SYT14: variants seen among roughly 807,000 people sequenced by gnomAD.
SYT14 encodes synaptotagmin-14.
Under a neutral mutation model 74.2 loss-of-function variants are expected in SYT14, and 32 were observed. That is an observed-to-expected ratio of 0.43 (90% CI 0.33 to 0.58). SYT14 has a LOEUF of 0.58. SYT14 is among the 20% of genes least tolerant of loss of function. The probability of loss-of-function intolerance (pLI) is 0.05; values close to 1 mark genes in which losing one functional copy is unlikely to be tolerated. For missense variants in SYT14, 791 were observed against 981.8 expected (o/e 0.81, Z 2.60); for synonymous variants, 298 against 337.7 (o/e 0.88, Z 1.29).
intron 2 of SYT14, among the ~76,000 whole-genome samples, chr1:209,990,626 G>C (rs2079666156): frequency 8.3e-6 from 1 of 120,832 alleles, no homozygotes; most frequent in East Asian, 2.2e-4. Context: ...CTTATCATAT[G>C]ATAATACTTG....
At chr1:209,970,315 G>A (rs1189104236) in intron 2 of SYT14, among the ~76,000 whole-genome samples, 1 of 152,022 alleles carries the variant, frequency 6.6e-6, no homozygotes, top group Non-Finnish European at 1.5e-5. Context: ...TTATGAATAG[G>A]GTGTCCTTTC....
intron 2 of SYT14, among the ~76,000 whole-genome samples, chr1:209,968,784 G>T (rs1052381754): frequency 6.6e-6 from 1 of 151,220 alleles, no homozygotes; most frequent in Admixed American, 6.6e-5. Flanking sequence ...ACATGTGCAG[G>T]TTTGTTAAAT....
chr1:209,961,296 G>A lies in SYT14; in HGVS notation c.-486+8540G>A, dbSNP rs371077267. ...CTATATTCTGACTTTTTGGGGGCTGGGATAGGTACAGATTTCTTGCTTAGT... is the reference window on the plus strand; with the variant it reads ...CTATATTCTGACTTTTTGGGGGCTGAGATAGGTACAGATTTCTTGCTTAGT... On this transcript the variant is annotated intron_variant, in intron 2 of 9. Coordinates refer to ENST00000637265, the Ensembl canonical transcript of SYT14. Among the ~76,000 whole-genome samples, 12 of 152,098 alleles carry A rather than the reference G, an allele frequency of 7.9e-5. No homozygotes were observed. The South Asian group carries it at 1.5e-3, about 18-fold the overall frequency.
chr1:210,076,151 A>G (rs965833885), intron 5 of SYT14, among the ~76,000 whole-genome samples: 34 of 152,158 alleles, frequency 2.2e-4, no homozygotes, highest in African/African-American at 7.7e-4. Flanking sequence ...GACAAGTAGG[A>G]GAGTTTTATT....
intron 5 of SYT14, among the ~76,000 whole-genome samples, chr1:210,032,389 T>C (rs2080558723): frequency 6.6e-6 from 1 of 152,040 alleles, no homozygotes; most frequent in Non-Finnish European, 1.5e-5. Context: ...AAGCACTTCA[T>C]CAGGTTTGTC....
At chr1:210,084,064 C>T (rs1387829769) in intron 5 of SYT14, among the ~76,000 whole-genome samples, 1 of 152,116 alleles carries the variant, frequency 6.6e-6, no homozygotes, top group Non-Finnish European at 1.5e-5. Flanking sequence ...CAGGGCTTCC[C>T]AATGATATTT....
chr1:210,159,923 T>C (rs1249206977), intron 9 of SYT14, among the ~76,000 whole-genome samples: 1 of 152,176 alleles, frequency 6.6e-6, no homozygotes, highest in Non-Finnish European at 1.5e-5. Context: ...TATGTTTCAC[T>C]TCGTACACTA....
chr1:210,125,086 A>T (rs1378259449), intron 7 of SYT14, among the ~76,000 whole-genome samples: 1 of 151,478 alleles, frequency 6.6e-6, no homozygotes, highest in Non-Finnish European at 1.5e-5. Flanking sequence ...TTTTAGATTC[A>T]GGGGGTAGGT....
At chr1:210,141,316 A>G (rs1226558143) in intron 7 of SYT14, among the ~76,000 whole-genome samples, 2 of 152,052 alleles carry the variant, frequency 1.3e-5, no homozygotes, top group Non-Finnish European at 2.9e-5. Flanking sequence ...TTGTTTTCTT[A>G]ATTTTTTGTT....
chr1:209,959,069 G>A (rs1402873153), intron 2 of SYT14, among the ~76,000 whole-genome samples: 2 of 152,060 alleles, frequency 1.3e-5, no homozygotes, highest in Non-Finnish European at 2.9e-5. Context: ...CTATACCCAA[G>A]AAAATTGAAA....
chr1:210,077,658 T>G (rs1287697373), intron 5 of SYT14, among the ~76,000 whole-genome samples: 1 of 152,226 alleles, frequency 6.6e-6, no homozygotes, highest in Non-Finnish European at 1.5e-5. Flanking sequence ...TTTTACAATT[T>G]TGATAACTGT....
At chr1:210,123,278 AAG>A (rs2102616911) in intron 7 of SYT14, among the ~76,000 whole-genome samples, 1 of 152,306 alleles carries the variant, frequency 6.6e-6, no homozygotes, top group Non-Finnish European at 1.5e-5. Flanking sequence ...AATAGCTGGA[AAG>A]AGGGCATCAG....
chr1:210,014,270 T>C (rs2080141469), intron 3 of SYT14, among the ~76,000 whole-genome samples: 1 of 152,084 alleles, frequency 6.6e-6, no homozygotes, highest in African/African-American at 2.4e-5. Flanking sequence ...TTTTACTTAG[T>C]AACTTAATTT....
chr1:210,013,523 A>G, intron 2 of SYT14, 110 bp from the exon 3 acceptor site: 3 of 1,106,802 alleles, frequency 2.7e-6, no homozygotes, highest in Non-Finnish European at 3.9e-6. Context: ...TGACAATTAA[A>G]AAATATAATT....
rs113520368 is a variant in SYT14, at chr1:210,143,464, A to T, written c.2035-12257A>T. ...ATTTGTTAAATATTACACAGTTGGG[A>T]GTATATTATATTCATTTGCTCCCGT... On this transcript the variant is annotated intron_variant, in intron 7 of 9. Transcript: ENST00000637265. Among the ~76,000 whole-genome samples, 1,202 of 152,252 alleles carry T rather than the reference A, an allele frequency of 7.9e-3. 14 individuals are homozygous for T. Among genetic ancestry groups the T allele is most frequent in the African/African-American group, 0.027 (1,137 of 41,550 alleles).
At chr1:210,119,819 A>G (rs1385455249) in intron 7 of SYT14, among the ~76,000 whole-genome samples, 2 of 152,192 alleles carry the variant, frequency 1.3e-5, no homozygotes, top group African/African-American at 4.8e-5. Flanking sequence ...CATAGTACAC[A>G]TGTTAGAATT....
chr1:210,016,312 T>C, exon 4 of SYT14: 1 of 1,232,112 alleles, frequency 8.1e-7, no homozygotes, highest in Non-Finnish European at 1.0e-6. Context: ...TAAATACTTG[T>C]AAAACTTCAC....
intron 5 of SYT14, among the ~76,000 whole-genome samples, chr1:210,070,744 C>T (rs1262509825): frequency 1.3e-5 from 2 of 152,026 alleles, no homozygotes; most frequent in Admixed American, 1.3e-4. Context: ...AGAAGAGGCA[C>T]ACTGAAATCA....
chr1:209,950,429 A>G (rs10863800), intron 1 of SYT14, among the ~76,000 whole-genome samples: 7,606 of 152,240 alleles, frequency 0.05, 1,030 homozygotes, highest in East Asian at 0.41. Flanking sequence ...TGTAGTATGT[A>G]GGTGTATTTC....
Sources: allele counts gnomAD v4.1 joint callset (sites outside exome capture counted in the v4.1 genomes callset), GRCh38; gene constraint gnomAD v4.1.1; transcripts MANE v1.5; gene names NCBI Gene and HGNC (gene_info 2026-07-23, HGNC 2026-07-21).